PLEKHA8: variants seen among roughly 807,000 people sequenced by gnomAD.
PLEKHA8 encodes the protein pleckstrin homology domain containing A8.
A neutral mutation model predicts 68.2 loss-of-function variants in PLEKHA8; 36 were observed. The ratio of observed to expected loss-of-function variants is 0.53; its 90% CI spans 0.40 to 0.70. PLEKHA8 has a LOEUF of 0.70. Among genes scored for constraint, PLEKHA8 ranks in the 30% least tolerant of loss-of-function variants. The probability of loss-of-function intolerance (pLI) is 0.00; values close to 1 mark genes in which losing one functional copy is unlikely to be tolerated. For missense variants in PLEKHA8, 505 were observed against 615.4 expected (o/e 0.82, Z 1.90); for synonymous variants, 211 against 216.1 (o/e 0.98, Z 0.20).
intron 1 of PLEKHA8, among the ~76,000 whole-genome samples, chr7:30,033,882 T>C (rs1275910647): frequency 1.3e-5 from 2 of 152,178 alleles, no homozygotes; most frequent in East Asian, 3.8e-4. Flanking sequence ...TTTATATTTC[T>C]CTGACTTAAT....
intron 9 of PLEKHA8, among the ~76,000 whole-genome samples, chr7:30,055,996 G>A (rs1463645160): frequency 1.4e-5 from 2 of 144,310 alleles, no homozygotes; most frequent in Admixed American, 1.4e-4. Context: ...AGGCTGCAGT[G>A]CAGTGGCGGG....
At chr7:30,055,668 C>G (rs1363961239) in intron 9 of PLEKHA8, among the ~76,000 whole-genome samples, 1 of 147,948 alleles carries the variant, frequency 6.8e-6, no homozygotes, top group Non-Finnish European at 1.5e-5. Flanking sequence ...TGTGTTTTAC[C>G]AGTTAAAACT....
At chr7:30,065,141 A>C (rs1246134510) in intron 12 of PLEKHA8, among the ~76,000 whole-genome samples, 1 of 152,080 alleles carries the variant, frequency 6.6e-6, no homozygotes, top group Non-Finnish European at 1.5e-5. Flanking sequence ...GAAAGAGGAG[A>C]CTTTGAAGGG....
At chr7:30,099,653 A>T (rs530026047) in intron 13 of PLEKHA8, among the ~76,000 whole-genome samples, 1 of 152,216 alleles carries the variant, frequency 6.6e-6, no homozygotes, top group Non-Finnish European at 1.5e-5. Context: ...CTTTTCAAGT[A>T]CATGTGGAAT....
chr7:30,046,455 A>G, intron 3 of PLEKHA8, 90 bp downstream of exon 3: 1 of 1,414,822 alleles, frequency 7.1e-7, no homozygotes, highest in Admixed American at 2.7e-5. Context: ...GCTTCTGACC[A>G]CCTAGCCAGC....
At chr7:30,050,046 G>A (rs1792283687) in intron 5 of PLEKHA8, among the ~76,000 whole-genome samples, 1 of 152,090 alleles carries the variant, frequency 6.6e-6, no homozygotes, top group South Asian at 2.1e-4. Context: ...GATTTTTAGG[G>A]CAGGAACCCC....
intron 2 of PLEKHA8, among the ~76,000 whole-genome samples, chr7:30,045,877 T>C (rs1026968156): frequency 6.6e-6 from 1 of 152,190 alleles, no homozygotes; most frequent in Non-Finnish European, 1.5e-5. Context: ...AGCAGCCTAC[T>C]TAACACACAC....
At chr7:30,123,350 C>T (rs1796723281) in intron 13 of PLEKHA8, among the ~76,000 whole-genome samples, 1 of 152,220 alleles carries the variant, frequency 6.6e-6, no homozygotes, top group Admixed American at 6.5e-5. Context: ...GCTTTCTTTC[C>T]ACTAAACAAA....
At chr7:30,050,380 A>G (rs2127976717) in intron 5 of PLEKHA8, 54 bp from the exon 6 acceptor site, 13 of 1,531,276 alleles carry the variant, frequency 8.5e-6, no homozygotes, top group Non-Finnish European at 1.1e-5. Flanking sequence ...GATCATAAAT[A>G]TGCTCTGTTC....
chr7:30,122,757 A>G (rs1461644837), intron 13 of PLEKHA8, among the ~76,000 whole-genome samples: 1 of 152,224 alleles, frequency 6.6e-6, no homozygotes, highest in Non-Finnish European at 1.5e-5. Context: ...AGCTGCCATC[A>G]TAGAAAAGCA....
chr7:30,050,555 G>T, intron 6 of PLEKHA8, 81 bp downstream of exon 6: 2 of 1,405,008 alleles, frequency 1.4e-6, no homozygotes, highest in South Asian at 2.9e-5. Context: ...AAGATACTTT[G>T]ATCTTGTAAT....
At chr7:30,055,945 CTT>C (rs530852500) in intron 9 of PLEKHA8, among the ~76,000 whole-genome samples, 6 of 136,226 alleles carry the variant, frequency 4.4e-5, no homozygotes, top group Non-Finnish European at 3.1e-5. Flanking sequence ...AACATATTTT[CTT>C]TTTTTTTTTT....
chr7:30,092,582 A>G (rs1437545449), downstream of PLEKHA8, among the ~76,000 whole-genome samples: 1 of 152,172 alleles, frequency 6.6e-6, no homozygotes, highest in Non-Finnish European at 1.5e-5. Flanking sequence ...GACACTCTCC[A>G]TAGGACCCCA....
intron 9 of PLEKHA8, among the ~76,000 whole-genome samples, chr7:30,058,597 A>T (rs933138150): frequency 3.3e-5 from 5 of 151,580 alleles, no homozygotes; most frequent in African/African-American, 1.2e-4. Context: ...TGCTTATAAT[A>T]TGGGACTGTT....
At chr7:30,059,247 G>A (rs1793240072) in intron 9 of PLEKHA8, among the ~76,000 whole-genome samples, 1 of 152,182 alleles carries the variant, frequency 6.6e-6, no homozygotes. Flanking sequence ...CTTTTGTTAG[G>A]AATAAGTTTT....
chr7:30,049,875 C>T (rs1369884181), intron 5 of PLEKHA8, among the ~76,000 whole-genome samples: 1 of 152,138 alleles, frequency 6.6e-6, no homozygotes, highest in Non-Finnish European at 1.5e-5. Context: ...TCCTTTGTGC[C>T]GTTTTCCAGT....
intron 1 of PLEKHA8, among the ~76,000 whole-genome samples, chr7:30,034,277 A>G (rs1790893922): frequency 6.6e-6 from 1 of 151,786 alleles, no homozygotes; most frequent in Non-Finnish European, 1.5e-5. Flanking sequence ...CCAAAGTGCT[A>G]GGATTACAGG....
chr7:30,079,769 G>GT lies in PLEKHA8; in HGVS notation c.*983dup, dbSNP rs1430549975. On this transcript the variant is annotated 3_prime_UTR_variant, in exon 14 of 14. Transcript: ENST00000449726. ...GGCCTAAAGAACCAGAGTCTAGGTG[G>GT]TGGGACATAGGAATCTGCATTTCAG... 2.7e-6 allele frequency: 2 copies of GT among 740,062 alleles called. No homozygotes were observed. The highest frequency in any genetic ancestry group is 2.6e-4 in the East Asian group (2 of 7,642). The allele number at this position is 740,062 out of a possible 1,614,324, so 45.8% of individuals were successfully genotyped here. A position where few individuals can be genotyped will look rare whatever the true frequency, so the allele number is the denominator to read the frequency against.
rs1398771253 is a variant in PLEKHA8 at position 30,118,265 on chromosome 7, G to A, written c.1363-11001G>A. 1.0e-5 allele frequency: 4 copies of A among 386,288 alleles called. No individual in the cohort carries two copies. The Admixed American group carries it at 1.8e-4, about 17-fold the overall frequency. 23.9% of individuals were successfully genotyped at this position (386,288 alleles called of 1,614,324 possible). A position where few individuals can be genotyped will look rare whatever the true frequency, so the allele number is the denominator to read the frequency against. On this transcript the variant is annotated intron_variant, in intron 13 of 13. Transcript: ENST00000396257. ...GAGTCTATCTGGAACTTATTTGATT[G>A]TTTTTCTGCCATCAGATAGAATGAG...
Sources: gnomAD v4.1 joint callset for allele counts (sites outside exome capture counted in the v4.1 genomes callset) on GRCh38, gnomAD v4.1.1 for gene constraint, MANE v1.5 for transcripts, NCBI Gene and HGNC (gene_info 2026-07-23, HGNC 2026-07-21) for gene names.